The following L3MBTL1 variants were observed in gnomAD, a reference collection of about 807,000 sequenced individuals.
L3MBTL1 encodes lethal(3)malignant brain tumor-like protein 1.
Under a neutral mutation model 105.3 loss-of-function variants are expected in L3MBTL1, and 75 were observed. The observed-to-expected ratio is 0.71, with a 90% CI of 0.59 to 0.86. The LOEUF (loss-of-function observed/expected upper bound fraction) is 0.86. Ranked by LOEUF, L3MBTL1 falls within the 40% of genes least tolerant of loss-of-function variation. The probability of loss-of-function intolerance (pLI) is 0.00; values close to 1 mark genes in which losing one functional copy is unlikely to be tolerated. For synonymous variants in L3MBTL1, 452 were observed against 436.2 expected, an observed-to-expected ratio of 1.04 and a Z score of -0.45; for missense variants, 1,069 against 1,126.4, an observed-to-expected ratio of 0.95 and a Z score of 0.73.
chr20:43,549,903 G>A (rs1303434794), exon 19 of L3MBTL1: 1 of 152,200 alleles, frequency 6.6e-6, no homozygotes, highest in Non-Finnish European at 1.5e-5. Context: ...CAACCCAGTA[G>A]GGGCCTCTCT....
At chr20:43,537,110 G>A (rs754960273) in intron 19 of L3MBTL1, among the ~76,000 whole-genome samples, 14 of 152,324 alleles carry the variant, frequency 9.2e-5, no homozygotes, top group South Asian at 2.1e-4. Context: ...ATTCCAACTC[G>A]GATCTGGCCT....
Position 43,515,292 on chromosome 20 carries a change from G to A in L3MBTL1, c.654G>A (p.Arg218=). 1 of 1,606,998 alleles carries A rather than the reference G, an allele frequency of 6.2e-7. No individual in the cohort carries two copies. Among genetic ancestry groups the A allele is most frequent in the Non-Finnish European group, 8.5e-7 (1 of 1,176,396 alleles). ...TTCCCTAAGGCTGGCCCTTCCTCAG[G>A]TCAGTCATAGTGGAGAACTCCTCAG... ...NDGCPQLFQE[R]SVIVENSSGS... Residue 218 remains arginine (R), a splice_region_variant and synonymous_variant, in exon 6 of 22, where the codon CGG becomes CGA. Coordinates refer to ENST00000418998, the MANE Select transcript of L3MBTL1 (RefSeq NM_001377303.1).
chr20:43,516,210 G>C, intron 7 of L3MBTL1, 33 bp downstream of exon 7: 1 of 1,528,862 alleles, frequency 6.5e-7, no homozygotes, highest in Non-Finnish European at 9.1e-7. Flanking sequence ...ATATTCGTGT[G>C]AGGTGTGTAT....
rs912312070 is a variant in L3MBTL1, at chr20:43,514,298, G to T, written c.360+237G>T. 4.4e-5 allele frequency: 37 copies of T among 846,284 alleles called. No individual in the cohort carries two copies. The African/African-American group carries it at 6.0e-4, about 14-fold the overall frequency. 52.4% of individuals were successfully genotyped at this position (846,284 alleles called of 1,614,324 possible). On this transcript the variant is annotated intron_variant, in intron 3 of 21. Transcript: ENST00000418998. ...GCACTCTGGGACTGGGCCTGTGGGT[G>T]TCTGGGGGCGTGGCTTAGACTGGGG...
intron 10 of L3MBTL1, 154 bp from the exon 11 acceptor site, chr20:43,530,644 T>C: frequency 2.5e-6 from 2 of 806,336 alleles, no homozygotes; most frequent in East Asian, 2.7e-5. Flanking sequence ...ACTCAAGTCG[T>C]GTCCTGCTTC....
In L3MBTL1 at chr20:43,534,878, C is replaced by T; in HGVS notation, c.1761C>T (p.Asp587=). The change falls in exon 16 of 22, where the codon GAC becomes GAT. Residue 587 remains aspartate, a synonymous_variant. Transcript: ENST00000418998. ...SHGYDFWIDA[D]HPDIHPAGWC... ...GCTATGATTTCTGGATCGACGCTGA[C>T]CACCCAGACATCCACCCTGCCGGCT... 6.2e-7 allele frequency: 1 copy of T among 1,610,732 alleles called. No homozygotes were observed. The highest frequency in any genetic ancestry group is 1.7e-5 in the Admixed American group (1 of 59,900).
At chr20:43,530,696 G>T in intron 10 of L3MBTL1, 102 bp from the exon 11 acceptor site, 1 of 1,099,862 alleles carries the variant, frequency 9.1e-7, no homozygotes, top group East Asian at 2.4e-5. Context: ...GGGTTGGGGG[G>T]AGGTCCTCAG....
intron 1 of L3MBTL1, among the ~76,000 whole-genome samples, chr20:43,508,367 G>A (rs1191832602): frequency 6.6e-6 from 1 of 152,128 alleles, no homozygotes; most frequent in Non-Finnish European, 1.5e-5. Flanking sequence ...CTGCGCTCAG[G>A]GCCGCTTCCG....
downstream of L3MBTL1, among the ~76,000 whole-genome samples, chr20:43,546,477 A>G (rs1332214289): frequency 2.6e-5 from 4 of 152,310 alleles, no homozygotes; most frequent in Middle Eastern, 3.4e-3. Context: ...ATTGCTTCAT[A>G]GGGTTATTGT....
At chr20:43,508,361 G>T (rs920945896) in intron 1 of L3MBTL1, among the ~76,000 whole-genome samples, 9 of 152,130 alleles carry the variant, frequency 5.9e-5, no homozygotes, top group Non-Finnish European at 1.3e-4. Flanking sequence ...GGAACCCTGC[G>T]CTCAGGGCCG....
chr20:43,535,920 T>TA lies in L3MBTL1; in HGVS notation c.1910dup (p.Tyr637Ter). ...CCTGCCCCACACTAGGACCTCCAAA[T>TA]ACAGCTTTCACCACCGGTGAGTGAA... ...RSLPHTRTSK[Y>*]SFHHRKCPTP... The change falls in exon 17 of 22, where the codon TAC becomes TAAC. Residue 637 changes from tyrosine to a stop codon, truncating the protein, a stop_gained and frameshift_variant. Transcript: ENST00000418998. LOFTEE classifies it high-confidence loss of function. 1 of 1,613,326 alleles carries TA rather than the reference T, an allele frequency of 6.2e-7. No individual in the cohort carries two copies. The highest frequency in any genetic ancestry group is 1.7e-5 in the Admixed American group (1 of 59,866).
intron 7 of L3MBTL1, 121 bp downstream of exon 7, chr20:43,516,298 T>G: frequency 1.4e-6 from 1 of 722,166 alleles, no homozygotes; most frequent in Non-Finnish European, 2.4e-6. Context: ...TGAGCATGAG[T>G]TAGTGTGTGT....
At chr20:43,523,275 C>G (rs1486405027) in intron 7 of L3MBTL1, 1 of 187,502 alleles carries the variant, frequency 5.3e-6, no homozygotes, top group African/African-American at 2.4e-5. Context: ...CGTACTGATT[C>G]CAAGCTTGGC....
chr20:43,524,553 T>G (rs144328963), intron 7 of L3MBTL1, among the ~76,000 whole-genome samples: 365 of 152,340 alleles, frequency 2.4e-3, no homozygotes, highest in African/African-American at 8.3e-3. Flanking sequence ...GAACAAACTC[T>G]GCCTGCTGGA....
intron 16 of L3MBTL1, among the ~76,000 whole-genome samples, 170 bp from the exon 17 acceptor site, chr20:43,535,667 A>G (rs1241650003): frequency 1.3e-5 from 2 of 152,186 alleles, no homozygotes; most frequent in Non-Finnish European, 2.9e-5. Flanking sequence ...CCTTACCCAG[A>G]GAGGGGCAGA....
downstream of L3MBTL1, among the ~76,000 whole-genome samples, chr20:43,544,604 T>A (rs1468776483): frequency 1.3e-5 from 2 of 152,184 alleles, no homozygotes; most frequent in African/African-American, 2.4e-5. Flanking sequence ...CTTTGGCAGT[T>A]ACCGTGGGTG....
At chr20:43,534,433 A>G (rs766011279) in intron 15 of L3MBTL1, 39 bp downstream of exon 15, 1 of 1,534,704 alleles carries the variant, frequency 6.5e-7, no homozygotes, top group Non-Finnish European at 9.0e-7. Flanking sequence ...TGGACAGGCC[A>G]GTTGGGCAGG....
At chr20:43,537,148 TA>T (rs1290766344) in intron 19 of L3MBTL1, among the ~76,000 whole-genome samples, 1 of 152,248 alleles carries the variant, frequency 6.6e-6, no homozygotes, top group African/African-American at 2.4e-5. Flanking sequence ...GCTGCTGGTA[TA>T]AGAGACATAA....
At chr20:43,515,257 G>A (rs749262874) in intron 5 of L3MBTL1, 35 bp from the exon 6 acceptor site, 18 of 1,611,792 alleles carry the variant, frequency 1.1e-5, no homozygotes, top group East Asian at 2.2e-5. Flanking sequence ...GGTGCAGGGC[G>A]GGTGGTTCTT....
Sources: gnomAD v4.1 joint callset for allele counts (sites outside exome capture counted in the v4.1 genomes callset) on GRCh38, gnomAD v4.1.1 for gene constraint, MANE v1.5 for transcripts, NCBI Gene and HGNC (gene_info 2026-07-23, HGNC 2026-07-21) for gene names.